Variants in BMF observed in about 807,000 individuals in gnomAD.
The protein encoded by BMF is Bcl2 modifying factor, also known as bcl-2-modifying factor.
In BMF, 10 loss-of-function variants were observed where a neutral mutation model predicts 22.0. The observed-to-expected ratio is 0.45, with a 90% CI of 0.28 to 0.77. The LOEUF (loss-of-function observed/expected upper bound fraction) is 0.77. BMF is among the 30% of genes least tolerant of loss of function. BMF has a pLI of 0.13. For synonymous variants in BMF, 87 were observed against 88.1 expected, an observed-to-expected ratio of 0.99 and a Z score of 0.07; for missense variants, 206 against 226.8, an observed-to-expected ratio of 0.91 and a Z score of 0.59.
intron 4 of BMF, among the ~76,000 whole-genome samples, chr15:40,101,064 T>C (rs55763330): frequency 0.012 from 1,827 of 152,286 alleles, 41 homozygotes; most frequent in African/African-American, 0.042. Flanking sequence ...TGATGGGGAA[T>C]GACTATCATT....
In BMF at chr15:40,087,947, C is replaced by A. The variant is rs2036164742; in HGVS notation, c.*3840G>T. Reference sequence around the variant, plus strand: ...CAATTGATGGGGGGAAAGATATACACACATACACACATATGCATGTGAAGA... The same window carrying A: ...CAATTGATGGGGGGAAAGATATACAAACATACACACATATGCATGTGAAGA... On this transcript the variant is annotated 3_prime_UTR_variant, in exon 5 of 5. Coordinates refer to ENST00000354670, the MANE Select transcript of BMF (RefSeq NM_001003940.2). The A allele has an allele frequency of 6.6e-6, 1 of 152,244 alleles. No individual in the cohort carries two copies. Among genetic ancestry groups the A allele is most frequent in the South Asian group, 2.1e-4 (1 of 4,834 alleles). 9.4% of individuals were successfully genotyped at this position (152,244 alleles called of 1,614,324 possible).
intron 3 of BMF, among the ~76,000 whole-genome samples, chr15:40,104,968 G>A (rs1002484090): frequency 1.3e-5 from 2 of 152,150 alleles, no homozygotes; most frequent in Non-Finnish European, 2.9e-5. Flanking sequence ...CACCGCTAGG[G>A]GCGCCAGTCC....
At position 40,089,068 on chromosome 15, in the gene BMF, A is replaced by G. The variant is rs1282079457; in HGVS notation, c.*2719T>C. ...CCTCTCCCAACCCCCACCCTCAGCAAGCCACAAAGCCTCCACCGTCTTCAG... is the reference window on the plus strand; with the variant it reads ...CCTCTCCCAACCCCCACCCTCAGCAGGCCACAAAGCCTCCACCGTCTTCAG... On this transcript the variant is annotated 3_prime_UTR_variant, in exon 5 of 5. Coordinates refer to ENST00000354670, the MANE Select transcript of BMF (RefSeq NM_001003940.2). 1 of 152,662 alleles carries G rather than the reference A, an allele frequency of 6.6e-6. No individual in the cohort carries two copies. The highest frequency in any genetic ancestry group is 6.5e-5 in the Admixed American group (1 of 15,278). The allele number at this position is 152,662 out of a possible 1,614,324, so 9.5% of individuals were successfully genotyped here.
At chr15:40,095,192 G>A (rs2036331196) in intron 4 of BMF, among the ~76,000 whole-genome samples, 2 of 152,204 alleles carry the variant, frequency 1.3e-5, no homozygotes, top group African/African-American at 4.8e-5. Context: ...CCGCCTCAGG[G>A]CAGCCCTCAC....
At chr15:40,103,477 G>A (rs1211003704) in intron 4 of BMF, among the ~76,000 whole-genome samples, 1 of 152,236 alleles carries the variant, frequency 6.6e-6, no homozygotes, top group Non-Finnish European at 1.5e-5. Context: ...CCTCCAGCAC[G>A]AGCCTGCCAG....
In BMF at chr15:40,091,801, C is replaced by T. The variant is rs1328947279; in HGVS notation, c.541G>A (p.Ala181Thr). 8 of 1,607,714 alleles carry T rather than the reference C, an allele frequency of 5.0e-6. No individual in the cohort carries two copies. The South Asian group carries it at 6.7e-5, about 13-fold the overall frequency. ...ALNGEENRNGAGPR is the reference protein window; with the variant it reads ...ALNGEENRNGTGPR ...GCAGCCCACCCTCACCTAGGGCCTG[C>T]CCCGTTCCTGTTCTCTTCTCCATTC... The change falls in exon 5 of 5, where the codon GCA (alanine) becomes ACA (threonine). Residue 181 changes from alanine to threonine, a missense_variant. By Grantham distance (58) the Ala-to-Thr change is moderately conservative (BLOSUM62 0). Transcript: ENST00000354670.
chr15:40,097,238 ACTGAGCTACCAAACAC>A (rs2036384075), intron 4 of BMF, among the ~76,000 whole-genome samples: 1 of 92,332 alleles, frequency 1.1e-5, no homozygotes, highest in African/African-American at 4.0e-5. Flanking sequence ...CAAGCACCTA[ACTGAGCTACCAAACAC>A]CTGAGCTACC....
At chr15:40,094,184 G>C (rs1342568181) in intron 4 of BMF, among the ~76,000 whole-genome samples, 1 of 152,186 alleles carries the variant, frequency 6.6e-6, no homozygotes, top group Non-Finnish European at 1.5e-5. Flanking sequence ...GTATGCCTCA[G>C]TTTTCTCCCA....
At chr15:40,097,542 C>T (rs2141017716) in intron 4 of BMF, among the ~76,000 whole-genome samples, 1 of 152,284 alleles carries the variant, frequency 6.6e-6, no homozygotes, top group Non-Finnish European at 1.5e-5. Context: ...GCGATTGGAC[C>T]ATGGTTCCAG....
At chr15:40,098,578 G>A (rs146469390) in intron 4 of BMF, among the ~76,000 whole-genome samples, 1 of 152,174 alleles carries the variant, frequency 6.6e-6, no homozygotes, top group Non-Finnish European at 1.5e-5. Context: ...TCCAGGACCA[G>A]GTCAAGGCAA....
At position 40,087,931 on chromosome 15, in the gene BMF, G is replaced by A. The variant is rs932392787; in HGVS notation, c.*3856C>T. ...TTATTAAAAATTGTACCAATTGATG[G>A]GGGGAAAGATATACACACATACACA... is the stretch of plus-strand genomic sequence containing the variant. On this transcript the variant is annotated 3_prime_UTR_variant, in exon 5 of 5. Transcript: ENST00000354670. The A allele has an allele frequency of 6.6e-6, 1 of 152,222 alleles. No homozygotes were observed. The highest frequency in any genetic ancestry group is 6.5e-5 in the Admixed American group (1 of 15,286). 9.4% of individuals were successfully genotyped at this position (152,222 alleles called of 1,614,324 possible).
chr15:40,101,141 C>G (rs2036468295), intron 4 of BMF, among the ~76,000 whole-genome samples: 1 of 152,192 alleles, frequency 6.6e-6, no homozygotes, highest in African/African-American at 2.4e-5. Flanking sequence ...TCCTCTGGAC[C>G]AGGCAGGTGG....
chr15:40,094,969 G>A (rs2036324883), intron 4 of BMF, among the ~76,000 whole-genome samples: 1 of 152,194 alleles, frequency 6.6e-6, no homozygotes, highest in Non-Finnish European at 1.5e-5. Flanking sequence ...TGCCCAGGTG[G>A]TTCTGTGGCA....
At chr15:40,092,037 A>G in intron 4 of BMF, 149 bp from the exon 5 acceptor site, 1 of 631,032 alleles carries the variant, frequency 1.6e-6, no homozygotes, top group Non-Finnish European at 2.8e-6. Context: ...GAGGAGGGGG[A>G]GGTGAAAGAG....
In BMF at chr15:40,089,848, GGTCA is replaced by G. The variant is rs2036201406; in HGVS notation, c.*1935_*1938del. On this transcript the variant is annotated 3_prime_UTR_variant, in exon 5 of 5. Coordinates refer to ENST00000354670, the MANE Select transcript of BMF (RefSeq NM_001003940.2). ...CACAGGGAAGGCTGAATTTCACAATGGTCAGTGTGTCCCAGAGCCAGTCTTCAAG... is the reference window on the plus strand; with the variant it reads ...CACAGGGAAGGCTGAATTTCACAATGGTGTGTCCCAGAGCCAGTCTTCAAG... 6.6e-6 allele frequency: 1 copy of G among 152,476 alleles called. No homozygotes were observed. The highest frequency in any genetic ancestry group is 6.5e-5 in the Admixed American group (1 of 15,284). The allele number at this position is 152,476 out of a possible 1,614,324, so 9.4% of individuals were successfully genotyped here.
chr15:40,106,271 G>A lies in BMF; in HGVS notation c.-5-180C>T. ...TAAGGGTGACATTCACTCCCCAAATGTGGACTGCCTGAATGTTCAGGGGCT... is the reference window on the plus strand; with the variant it reads ...TAAGGGTGACATTCACTCCCCAAATATGGACTGCCTGAATGTTCAGGGGCT... On this transcript the variant is annotated intron_variant, in intron 2 of 4. Coordinates refer to ENST00000354670, the MANE Select transcript of BMF (RefSeq NM_001003940.2). This position sits in a 1 kb window ranked among gnomAD's most constrained non-coding sequence, Gnocchi z 4.1. The A allele has an allele frequency of 1.5e-6, 1 of 669,356 alleles. No homozygotes were observed. Among genetic ancestry groups the A allele is most frequent in the Non-Finnish European group, 2.4e-6 (1 of 425,296 alleles). The allele number at this position is 669,356 out of a possible 1,614,324, so 41.5% of individuals were successfully genotyped here.
chr15:40,090,479 A>G lies in BMF; in HGVS notation c.*1308T>C, dbSNP rs1379315875. ...GGTTAACAGATTCCCTGTGCCTGCT[A>G]TCGGAGCTGCCACACCGGCTGCTTT... On this transcript the variant is annotated 3_prime_UTR_variant, in exon 5 of 5. Coordinates refer to ENST00000354670, the MANE Select transcript of BMF (RefSeq NM_001003940.2). 1 of 152,678 alleles carries G rather than the reference A, an allele frequency of 6.5e-6. No homozygotes were observed. The highest frequency in any genetic ancestry group is 1.5e-5 in the Non-Finnish European group (1 of 68,056). 9.5% of individuals were successfully genotyped at this position (152,678 alleles called of 1,614,324 possible).
At chr15:40,094,636 G>T (rs1595474488) in intron 4 of BMF, among the ~76,000 whole-genome samples, 1 of 152,202 alleles carries the variant, frequency 6.6e-6, no homozygotes, top group Admixed American at 6.5e-5. Context: ...AGGTGCTCTT[G>T]TAAGTATAGA....
Position 40,091,600 on chromosome 15 carries a change from G to C in BMF, c.*187C>G. On this transcript the variant is annotated 3_prime_UTR_variant, in exon 5 of 5. Transcript: ENST00000354670. ...ACAAAGGCCCCCATTCCAGGTCAAG[G>C]GCCTGACAGAGAAAGAAGGTCCCGC... 1.8e-6 allele frequency: 1 copy of C among 550,768 alleles called. No individual in the cohort carries two copies. The highest frequency in any genetic ancestry group is 2.7e-5 in the South Asian group (1 of 37,302). 34.1% of individuals were successfully genotyped at this position (550,768 alleles called of 1,614,324 possible).
Sources: allele counts gnomAD v4.1 joint callset (sites outside exome capture counted in the v4.1 genomes callset), GRCh38; gene constraint gnomAD v4.1.1; non-coding constraint Gnocchi (gnomAD v3.1); transcripts MANE v1.5; gene names NCBI Gene and HGNC (gene_info 2026-07-23, HGNC 2026-07-21).